The following NSDHL variants were observed in gnomAD, a reference collection of about 807,000 sequenced individuals.
The protein encoded by NSDHL is NAD(P) dependent 3-beta-hydroxysteroid dehydrogenase NSDHL, also known as sterol-4-alpha-carboxylate 3-dehydrogenase, decarboxylating.
NSDHL carries 1 observed loss-of-function variant against 23.0 expected under a neutral mutation model. The ratio of observed to expected loss-of-function variants is 0.04; its 90% CI spans 0.02 to 0.21. The LOEUF (loss-of-function observed/expected upper bound fraction) is 0.21. NSDHL is among the 10% of genes least tolerant of loss of function. NSDHL has a pLI of 1.00. For synonymous variants in NSDHL, 128 were observed against 121.1 expected, an observed-to-expected ratio of 1.06 and a Z score of -0.37; for missense variants, 237 against 300.9, an observed-to-expected ratio of 0.79 and a Z score of 1.57.
intron 2 of NSDHL, among the ~76,000 whole-genome samples, chrX:152,847,494 A>G (rs1234839350): frequency 4.5e-5 from 5 of 111,840 alleles, no homozygotes; most frequent in African/African-American, 9.8e-5. Flanking sequence ...TGCCATCTGC[A>G]GTTCCTCATT....
At chrX:152,847,956 G>A (rs781978549) in intron 2 of NSDHL, among the ~76,000 whole-genome samples, 12 of 108,779 alleles carry the variant, frequency 1.1e-4, no homozygotes, top group African/African-American at 2.7e-4. Flanking sequence ...TCTGCCTCCC[G>A]GATTCAAGCA....
At chrX:152,860,606 C>G (rs782355798) in intron 4 of NSDHL, among the ~76,000 whole-genome samples, 25 of 111,044 alleles carry the variant, frequency 2.3e-4, no homozygotes, top group African/African-American at 7.9e-4. Flanking sequence ...TCAACTGTTT[C>G]GGGACGCTGA....
chrX:152,858,225 C>T (rs1214700350), intron 3 of NSDHL, among the ~76,000 whole-genome samples: 1 of 111,728 alleles, frequency 9.0e-6, no homozygotes, highest in Non-Finnish European at 1.9e-5. Flanking sequence ...TGCCTGGTTC[C>T]TCTTGTGTGT....
chrX:152,846,249 A>G (rs1933271766), intron 1 of NSDHL, 33 bp from the exon 2 acceptor site: 1 of 757,784 alleles, frequency 1.3e-6, no homozygotes, highest in African/African-American at 2.0e-5. Context: ...GACTTAGGCA[A>G]CATTAATGTC....
At chrX:152,854,306 G>A (rs1933406072) in intron 3 of NSDHL, among the ~76,000 whole-genome samples, 1 of 112,429 alleles carries the variant, frequency 8.9e-6, no homozygotes, top group Admixed American at 9.4e-5. Context: ...GGGGAACAAG[G>A]CAAAGGTGGT....
Position 152,850,293 on chromosome X carries a change from C to T in NSDHL, c.137C>T (p.Ser46Phe). 1 of 1,211,505 alleles carries T rather than the reference C, an allele frequency of 8.3e-7. No individual in the cohort carries two copies. Among genetic ancestry groups the T allele is most frequent in the Non-Finnish European group, 1.1e-6 (1 of 895,236 alleles). ...AAGAGATGCACAGTGATCGGTGGCT[C>T]TGGATTCCTGGGGCAGCACATGGTG... The part of the protein sequence containing the change: ...QAKRCTVIGG[S>F]GFLGQHMVEQ... Residue 46 changes from serine (S) to phenylalanine (F), a missense_variant, in exon 3 of 8, where the codon TCT becomes TTT. Transcript: ENST00000370274.
intron 2 of NSDHL, among the ~76,000 whole-genome samples, chrX:152,847,407 T>C (rs1933290414): frequency 1.8e-5 from 2 of 112,264 alleles, no homozygotes; most frequent in Non-Finnish European, 3.8e-5. Context: ...GAGGTTATCA[T>C]GGGCCGTGAA....
chrX:152,846,429 T>C lies in NSDHL; in HGVS notation c.105T>C (p.Asn35=). Reference sequence around the variant, plus strand: ...CTGACATAGAAAAGGTTAACCAGAATCAGGTAAGGAGAAAGTTGACACGTA... The same window carrying C: ...CTGACATAGAAAAGGTTAACCAGAACCAGGTAAGGAGAAAGTTGACACGTA... The part of the protein sequence containing the change: ...VNADIEKVNQ[N]QAKRCTVIGG... The change falls in exon 2 of 8, where the codon AAT becomes AAC. Residue 35 remains asparagine, a synonymous_variant. Coordinates refer to ENST00000370274, the MANE Select transcript of NSDHL (RefSeq NM_015922.3). The C allele has an allele frequency of 8.5e-7, 1 of 1,170,640 alleles. No individual in the cohort carries two copies. Among genetic ancestry groups the C allele is most frequent in the East Asian group, 3.0e-5 (1 of 33,686 alleles).
chrX:152,847,621 A>AT (rs1468280938), intron 2 of NSDHL, among the ~76,000 whole-genome samples: 4 of 111,754 alleles, frequency 3.6e-5, no homozygotes, highest in Non-Finnish European at 7.5e-5. Context: ...TCGAAATAAC[A>AT]TTTTTTTCTC....
chrX:152,836,373 T>A (rs1008236847), intron 1 of NSDHL, among the ~76,000 whole-genome samples: 3 of 112,258 alleles, frequency 2.7e-5, no homozygotes, highest in African/African-American at 9.7e-5. Context: ...ATGAAGTCCT[T>A]GCCCATGCCT....
intron 4 of NSDHL, among the ~76,000 whole-genome samples, chrX:152,859,287 C>T (rs1556847295): frequency 1.8e-5 from 2 of 111,974 alleles, no homozygotes; most frequent in Admixed American, 1.9e-4. Flanking sequence ...TAAGTACACT[C>T]ACAATGTTGT....
At position 152,862,900 on chromosome X, in the gene NSDHL, G is replaced by A. The variant is rs140950026; in HGVS notation, c.543+176G>A. 0.01 allele frequency among the ~76,000 whole-genome samples: 1,169 copies of A among 111,966 alleles called. 15 individuals are homozygous for A. The highest frequency in any genetic ancestry group is 0.036 in the African/African-American group (1,101 of 30,784). ...TGAGAGGCCGGGCACGGTGGCTCAC[G>A]CTTATAATCCCAGCACTTTGGGAGG... is the stretch of plus-strand genomic sequence containing the variant. On this transcript the variant is annotated intron_variant, in intron 5 of 7. Coordinates refer to ENST00000370274, the MANE Select transcript of NSDHL (RefSeq NM_015922.3).
intron 3 of NSDHL, among the ~76,000 whole-genome samples, chrX:152,856,838 C>T (rs782413591): frequency 8.9e-6 from 1 of 112,897 alleles, no homozygotes; most frequent in South Asian, 3.6e-4. Flanking sequence ...AGGTGGATCA[C>T]CTGAGGTCAG....
chrX:152,847,858 G>T (rs1556845800), intron 2 of NSDHL, among the ~76,000 whole-genome samples: 1 of 107,823 alleles, frequency 9.3e-6, no homozygotes, highest in African/African-American at 3.4e-5. Context: ...TGCCTAAATG[G>T]TTTTTTTTCT....
chrX:152,836,238 C>T (rs1414920000), intron 1 of NSDHL, among the ~76,000 whole-genome samples: 1 of 111,949 alleles, frequency 8.9e-6, no homozygotes, highest in African/African-American at 3.3e-5. Flanking sequence ...AACATTTTCT[C>T]CCATCCTGTA....
intron 3 of NSDHL, among the ~76,000 whole-genome samples, chrX:152,855,335 G>A (rs1569474031): frequency 8.9e-6 from 1 of 111,815 alleles, no homozygotes; most frequent in Non-Finnish European, 1.9e-5. Context: ...TCGGTCTTGT[G>A]CATCTTTTGT....
chrX:152,851,588 C>T (rs1556846296), intron 3 of NSDHL, among the ~76,000 whole-genome samples: 1 of 110,975 alleles, frequency 9.0e-6, no homozygotes, highest in Non-Finnish European at 1.9e-5. Flanking sequence ...CCCGTGCTGC[C>T]CACACCTCCA....
chrX:152,832,132 C>T (rs1556843498), intron 1 of NSDHL, among the ~76,000 whole-genome samples: 3 of 111,531 alleles, frequency 2.7e-5, no homozygotes. Context: ...GGTTGAACCT[C>T]ATGTGCCAGC....
At chrX:152,860,377 A>G (rs782528148) in intron 4 of NSDHL, among the ~76,000 whole-genome samples, 21 of 111,887 alleles carry the variant, frequency 1.9e-4, no homozygotes, top group Non-Finnish European at 2.6e-4. Flanking sequence ...AGCCCTGGGA[A>G]GGGCCCTGCT....
Sources: allele counts gnomAD v4.1 joint callset (sites outside exome capture counted in the v4.1 genomes callset), GRCh38; gene constraint gnomAD v4.1.1; transcripts MANE v1.5; gene names NCBI Gene and HGNC (gene_info 2026-07-23, HGNC 2026-07-21).